The following MTRR variants were observed in gnomAD, a reference collection of about 807,000 sequenced individuals.
MTRR encodes the protein 5-methyltetrahydrofolate-homocysteine methyltransferase reductase, also known as methionine synthase reductase.
A neutral mutation model predicts 79.2 loss-of-function variants in MTRR; 63 were observed. The ratio of observed to expected loss-of-function variants is 0.80; its 90% CI spans 0.65 to 0.98. The LOEUF (loss-of-function observed/expected upper bound fraction) is 0.98, where lower values mean the gene tolerates loss of function less well. Among genes scored for constraint, MTRR ranks in the 50% least tolerant of loss-of-function variants. The probability of loss-of-function intolerance (pLI) is 0.00; values close to 1 mark genes in which losing one functional copy is unlikely to be tolerated. For missense variants in MTRR, 895 were observed against 839.6 expected, an observed-to-expected ratio of 1.07 and a Z score of -0.82; for synonymous variants, 355 against 313.3, an observed-to-expected ratio of 1.13 and a Z score of -1.41.
chr5:7,892,426 T>C (rs1015858254), intron 10 of MTRR, among the ~76,000 whole-genome samples: 2 of 152,208 alleles, frequency 1.3e-5, no homozygotes, highest in African/African-American at 4.8e-5. Flanking sequence ...ATAATAAATA[T>C]TGAGTGAATG....
At chr5:7,865,295 T>A (rs147816364), upstream of MTRR, among the ~76,000 whole-genome samples, 519 of 152,262 alleles carry the variant, frequency 3.4e-3, 6 homozygotes, top group African/African-American at 0.012. Context: ...TCCATTCTTA[T>A]TACCTTATTT....
At chr5:7,857,608 G>C (rs942773357) in intron 1 of MTRR, among the ~76,000 whole-genome samples, 3 of 152,202 alleles carry the variant, frequency 2.0e-5, no homozygotes, top group African/African-American at 7.2e-5. Flanking sequence ...TCACTGCCCA[G>C]GTGGGCATGA....
At position 7,897,139 on chromosome 5, in the gene MTRR, T is replaced by C. The variant is rs1318949494; in HGVS notation, c.1844T>C (p.Val615Ala). 2.5e-6 allele frequency: 4 copies of C among 1,614,040 alleles called. No homozygotes were observed. The highest frequency in any genetic ancestry group is 2.2e-5 in the South Asian group (2 of 91,088). ...GTTTCCTTCTCAAGAGATGCTCCTG[T>C]TGGGGAGGAGGAAGCCCCAGCAAAG... Reference protein sequence around the residue: ...LKVSFSRDAPVGEEEAPAKYV... With the variant: ...LKVSFSRDAPAGEEEAPAKYV... The change falls in exon 14 of 15, where the codon GTT becomes GCT. Residue 615 changes from valine (V) to alanine (A), a missense_variant. Physicochemically the swap from Val to Ala is moderately conservative, Grantham distance 64. Transcript: ENST00000440940.
intron 6 of MTRR, among the ~76,000 whole-genome samples, chr5:7,883,532 GCTGAGTTGTGTGGTGCTTGGTTACA>G: frequency 6.9e-6 from 1 of 144,188 alleles, no homozygotes; most frequent in African/African-American, 2.8e-5. Context: ...GGTTACATAT[GCTGAGTTGTGTGGTGCTTGGTTACA>G]TATGCTGAGT....
intron 1 of MTRR, among the ~76,000 whole-genome samples, chr5:7,853,616 C>T (rs1427311296): frequency 6.6e-6 from 1 of 152,228 alleles, no homozygotes; most frequent in East Asian, 1.9e-4. Flanking sequence ...ACCCAGGTCA[C>T]TGCTGAAGGC....
At chr5:7,868,138 A>G (rs1441675136), upstream of MTRR, 21 of 1,184,054 alleles carry the variant, frequency 1.8e-5, no homozygotes, top group Non-Finnish European at 2.5e-5. Context: ...ACACATGGTT[A>G]AATACATTGA....
At chr5:7,853,107 C>G (rs1416132128) in intron 1 of MTRR, among the ~76,000 whole-genome samples, 1 of 152,128 alleles carries the variant, frequency 6.6e-6, no homozygotes, top group African/African-American at 2.4e-5. Context: ...TGTGTCCCCA[C>G]CTTAATCTCA....
chr5:7,889,360 G>A, intron 9 of MTRR, 85 bp downstream of exon 9: 1 of 1,462,544 alleles, frequency 6.8e-7, no homozygotes, highest in Non-Finnish European at 9.5e-7. Flanking sequence ...AAAATTTGCT[G>A]CTCTTGTCTT....
rs758631703 is a variant in MTRR at position 7,878,118 on chromosome 5, G to C, written c.576G>C (p.Glu192Asp). The C allele has an allele frequency of 2.5e-6, 4 of 1,614,044 alleles. No homozygotes were observed. In the South Asian group the frequency reaches 4.4e-5, roughly 18 times the overall value. The change falls in exon 5 of 15, where the codon GAG becomes GAC. Residue 192 changes from glutamate (E) to aspartate (D), a missense_variant. Coordinates refer to ENST00000440940, the MANE Select transcript of MTRR (RefSeq NM_002454.3). ...TGCTACACATTGAATCTCAAGTCGA[G>C]CTTCTGAGATTCGATGATTCAGGAA... ...SELLHIESQVELLRFDDSGRK... is the reference protein window; with the variant it reads ...SELLHIESQVDLLRFDDSGRK...
chr5:7,862,982 G>A (rs911763614), intron 2 of MTRR: 1 of 1,613,714 alleles, frequency 6.2e-7, no homozygotes, highest in Admixed American at 1.7e-5. Flanking sequence ...TGATATTTAG[G>A]AAGGAGTTTT....
At chr5:7,862,192 T>A (rs1254214739) in intron 2 of MTRR, 1 of 152,538 alleles carries the variant, frequency 6.6e-6, no homozygotes, top group African/African-American at 2.4e-5. Context: ...GCCTATGAAC[T>A]GCTGTCCTTT....
At chr5:7,887,793 C>CAT (rs372829698) in intron 8 of MTRR, among the ~76,000 whole-genome samples, 5,795 of 91,044 alleles carry the variant, frequency 0.064, 319 homozygotes, top group South Asian at 0.077. Flanking sequence ...TGTGTGTGTG[C>CAT]ATATATATAT....
intron 3 of MTRR, among the ~76,000 whole-genome samples, chr5:7,874,110 T>G (rs753720406): frequency 7.9e-5 from 12 of 152,204 alleles, no homozygotes; most frequent in Non-Finnish European, 1.6e-4. Flanking sequence ...TATCCCAGGT[T>G]AAGAAAAACT....
At chr5:7,855,672 C>A (rs576202960) in intron 1 of MTRR, among the ~76,000 whole-genome samples, 1 of 152,134 alleles carries the variant, frequency 6.6e-6, no homozygotes, top group South Asian at 2.1e-4. Flanking sequence ...AATTCTTATA[C>A]TTTTCTTTCA....
upstream of MTRR, chr5:7,867,336 T>C (rs746879520): frequency 1.2e-6 from 2 of 1,614,050 alleles, no homozygotes; most frequent in Non-Finnish European, 1.7e-6. Flanking sequence ...GGGGTAAATG[T>C]TTCCAATTTT....
intron 1 of MTRR, among the ~76,000 whole-genome samples, chr5:7,854,761 C>T (rs989674484): frequency 3.9e-5 from 6 of 152,182 alleles, no homozygotes; most frequent in East Asian, 1.9e-4. Flanking sequence ...ATCAGTCCTA[C>T]AATCGGCCAC....
chr5:7,885,920 T>A (rs1736349036), intron 7 of MTRR, 66 bp downstream of exon 7: 1 of 1,605,588 alleles, frequency 6.2e-7, no homozygotes, highest in Non-Finnish European at 8.5e-7. Flanking sequence ...ATGGTGAGAG[T>A]GTGGCTCTAA....
chr5:7,900,725 C>T lies in MTRR; in HGVS notation c.*667C>T, dbSNP rs1223334734. On this transcript the variant is annotated 3_prime_UTR_variant, in exon 15 of 15. Transcript: ENST00000440940. ...CTATCACCATTACTTTTTTTTAAGT[C>T]ACAATTTCAGAATTTTGGGACATTT... The T allele has an allele frequency of 6.6e-6, 1 of 152,532 alleles. No individual in the cohort carries two copies. Among genetic ancestry groups the T allele is most frequent in the Non-Finnish European group, 1.5e-5 (1 of 68,056 alleles). The allele number at this position is 152,532 out of a possible 1,614,324, so 9.4% of individuals were successfully genotyped here. A position where few individuals can be genotyped will look rare whatever the true frequency, so the allele number is the denominator to read the frequency against.
upstream of MTRR, chr5:7,866,728 A>C: frequency 1.2e-6 from 2 of 1,613,784 alleles, no homozygotes; most frequent in Non-Finnish European, 1.7e-6. Context: ...AACATGAATG[A>C]AGAAGTTTCA....
Sources: gnomAD v4.1 joint callset for allele counts (sites outside exome capture counted in the v4.1 genomes callset) on GRCh38, gnomAD v4.1.1 for gene constraint, MANE v1.5 for transcripts, NCBI Gene and HGNC (gene_info 2026-07-23, HGNC 2026-07-21) for gene names.